Variants in ROR1 observed in about 807,000 individuals in gnomAD.
The protein encoded by ROR1 is ROR family WNT receptor 1.
Under a neutral mutation model 78.8 loss-of-function variants are expected in ROR1, and 19 were observed. The ratio of observed to expected loss-of-function variants is 0.24; its 90% CI spans 0.17 to 0.35. The LOEUF is 0.35. Among genes scored for constraint, ROR1 ranks in the 10% least tolerant of loss-of-function variants. The pLI, the probability that ROR1 is intolerant of heterozygous loss-of-function variation, is 1.00. For synonymous variants in ROR1, 386 were observed against 433.6 expected (o/e 0.89, Z 1.36); for missense variants, 917 against 1,177.8 (o/e 0.78, Z 3.24).
intron 1 of ROR1, among the ~76,000 whole-genome samples, chr1:63,880,381 G>A (rs1255722457): frequency 6.6e-6 from 1 of 152,080 alleles, no homozygotes; most frequent in Non-Finnish European, 1.5e-5. Context: ...ATGATAATAT[G>A]TTTAGAAGCT....
chr1:63,991,291 T>C (rs960247467), intron 1 of ROR1, among the ~76,000 whole-genome samples: 2 of 152,172 alleles, frequency 1.3e-5, no homozygotes, highest in African/African-American at 4.8e-5. Context: ...GATTTACTTA[T>C]GATGGACATA....
chr1:64,028,919 T>C lies in ROR1; in HGVS notation c.163+19543T>C, dbSNP rs372513116. The stretch of plus-strand genomic sequence containing the variant: ...AAAAATATGGAACACTTCATGAATT[T>C]GCCTGTCATCTTTGCCCAGGGGCCA... On this transcript the variant is annotated intron_variant, in intron 2 of 8. Transcript: ENST00000371079. The C allele has an allele frequency of 1.6e-4, 24 of 152,316 alleles. 1 individual carries two copies. Among genetic ancestry groups the C allele is most frequent in the African/African-American group, 4.6e-4 (19 of 41,566 alleles). 9.4% of individuals were successfully genotyped at this position (152,316 alleles called of 1,614,324 possible). A position where few individuals can be genotyped will look rare whatever the true frequency, so the allele number is the denominator to read the frequency against.
chr1:64,120,777 T>G (rs1287056628), intron 4 of ROR1, among the ~76,000 whole-genome samples: 2 of 152,188 alleles, frequency 1.3e-5, no homozygotes, highest in Non-Finnish European at 2.9e-5. Context: ...ATAGTCTACC[T>G]CCCAGTATTA....
intron 1 of ROR1, among the ~76,000 whole-genome samples, chr1:63,955,179 A>G (rs1472189053): frequency 6.6e-6 from 1 of 152,228 alleles, no homozygotes; most frequent in Non-Finnish European, 1.5e-5. Flanking sequence ...TCCAAGGGCC[A>G]GCCAGGTTAC....
intron 1 of ROR1, among the ~76,000 whole-genome samples, chr1:63,991,096 TG>T (rs1646292465): frequency 3.9e-5 from 3 of 76,354 alleles, no homozygotes; most frequent in Non-Finnish European, 1.2e-4. Context: ...TTTGTTTGTT[TG>T]TTTTTTGTTT....
At chr1:63,884,145 T>TGGG (rs1255627702) in intron 1 of ROR1, among the ~76,000 whole-genome samples, 13 of 152,170 alleles carry the variant, frequency 8.5e-5, no homozygotes, top group Non-Finnish European at 1.5e-4. Flanking sequence ...TTCACACCAA[T>TGGG]GGCCAGCAGC....
rs527855197 is a variant in ROR1, at chr1:64,013,203, C to A, written c.163+3827C>A. Reference sequence around the variant, plus strand: ...GGGTTAATATGGTTATTACTTTGGGCTTGATATTAAAATATCATGCGTACT... The same window carrying A: ...GGGTTAATATGGTTATTACTTTGGGATTGATATTAAAATATCATGCGTACT... On this transcript the variant is annotated intron_variant, in intron 2 of 8. Coordinates refer to ENST00000371079, the MANE Select transcript of ROR1 (RefSeq NM_005012.4). Among the ~76,000 whole-genome samples, 5 of 152,232 alleles carry A rather than the reference C, an allele frequency of 3.3e-5. No individual in the cohort carries two copies. The South Asian group carries it at 1.0e-3, about 32-fold the overall frequency.
intron 4 of ROR1, chr1:64,111,227 C>T (rs1441999929): frequency 1.3e-5 from 2 of 152,126 alleles, no homozygotes; most frequent in East Asian, 3.9e-4. Flanking sequence ...TAATTTTTGT[C>T]CATGCTGCCA....
chr1:63,845,529 A>T (rs10889450), intron 1 of ROR1, among the ~76,000 whole-genome samples: 32,165 of 151,992 alleles, frequency 0.21, 3,616 homozygotes, highest in Middle Eastern at 0.26. Context: ...TTTATCACTC[A>T]TCTGGCAATC....
At chr1:63,851,272 C>T (rs1645112309) in intron 1 of ROR1, among the ~76,000 whole-genome samples, 1 of 152,164 alleles carries the variant, frequency 6.6e-6, no homozygotes, top group African/African-American at 2.4e-5. Flanking sequence ...GCCACTGCGC[C>T]CGGCCGCTTT....
At chr1:64,020,898 C>T (rs1039971081) in intron 2 of ROR1, among the ~76,000 whole-genome samples, 1 of 152,126 alleles carries the variant, frequency 6.6e-6, no homozygotes, top group African/African-American at 2.4e-5. Context: ...AGCAAGATTT[C>T]CTGTAGGGTC....
intron 4 of ROR1, among the ~76,000 whole-genome samples, chr1:64,127,718 A>G (rs1055842141): frequency 3.3e-5 from 5 of 152,228 alleles, no homozygotes; most frequent in Admixed American, 6.5e-5. Context: ...ACTGTTGAGC[A>G]TAGAATAAAA....
chr1:64,025,708 T>C (rs888070167), intron 2 of ROR1, among the ~76,000 whole-genome samples: 1 of 152,126 alleles, frequency 6.6e-6, no homozygotes, highest in Non-Finnish European at 1.5e-5. Context: ...ATTAATGACA[T>C]TTGAAGCAAC....
At chr1:64,135,980 C>T (rs1569834726) in intron 4 of ROR1, among the ~76,000 whole-genome samples, 1 of 152,140 alleles carries the variant, frequency 6.6e-6, no homozygotes, top group African/African-American at 2.4e-5. Flanking sequence ...TAGACTCCTA[C>T]GCTAGACCTT....
At chr1:64,049,656 T>C in intron 2 of ROR1, 35 bp from the exon 3 acceptor site, 1 of 1,592,730 alleles carries the variant, frequency 6.3e-7, no homozygotes, top group Non-Finnish European at 8.6e-7. Flanking sequence ...TCAAGCTGTC[T>C]GCCCCTCTCA....
chr1:63,996,473 G>T (rs941139725), intron 1 of ROR1, among the ~76,000 whole-genome samples: 2 of 152,004 alleles, frequency 1.3e-5, no homozygotes, highest in Non-Finnish European at 2.9e-5. Context: ...TTTGAACATT[G>T]CCAGCCATCC....
chr1:63,956,432 A>G (rs1645982715), intron 1 of ROR1, among the ~76,000 whole-genome samples: 1 of 152,178 alleles, frequency 6.6e-6, no homozygotes, highest in African/African-American at 2.4e-5. Flanking sequence ...CTGGAAGCTA[A>G]CTCGTAGGGT....
At chr1:63,839,356 C>CT (rs1271847658) in intron 1 of ROR1, among the ~76,000 whole-genome samples, 1 of 110,502 alleles carries the variant, frequency 9.0e-6, no homozygotes, top group Non-Finnish European at 2.2e-5. Flanking sequence ...ATCTATCTAT[C>CT]TATCTATCTA....
chr1:64,063,030 G>T (rs529113855), intron 4 of ROR1, among the ~76,000 whole-genome samples: 1 of 152,246 alleles, frequency 6.6e-6, no homozygotes, highest in South Asian at 2.1e-4. Flanking sequence ...ACATGACACA[G>T]GGGGTTTCTT....
Sources: allele counts gnomAD v4.1 joint callset (sites outside exome capture counted in the v4.1 genomes callset), GRCh38; gene constraint gnomAD v4.1.1; transcripts MANE v1.5; gene names NCBI Gene and HGNC (gene_info 2026-07-23, HGNC 2026-07-21).